The following GALNT13 variants were observed in gnomAD, a reference collection of about 807,000 sequenced individuals.
GALNT13 encodes the protein UDP-GalNAc:polypeptide N-acetylgalactosaminyltransferase 13.
A neutral mutation model predicts 64.2 loss-of-function variants in GALNT13; 28 were observed. The ratio of observed to expected loss-of-function variants is 0.44; its 90% confidence interval spans 0.32 to 0.60. The LOEUF (loss-of-function observed/expected upper bound fraction) is 0.60. GALNT13 is among the 20% of genes least tolerant of loss of function. The pLI is 0.05. For synonymous variants in GALNT13, 214 were observed against 224.6 expected (o/e 0.95, Z 0.42); for missense variants, 577 against 669.8 (o/e 0.86, Z 1.53).
the GALNT13 span, among the ~76,000 whole-genome samples, chr2:153,523,911 G>T: frequency 6.6e-6 from 1 of 152,114 alleles, no homozygotes; most frequent in Non-Finnish European, 1.5e-5. Flanking sequence ...TCACTATTAA[G>T]TATGATGTTA....
the GALNT13 span, among the ~76,000 whole-genome samples, chr2:153,128,762 A>G: frequency 1.3e-5 from 2 of 152,152 alleles, no homozygotes; most frequent in African/African-American, 4.8e-5. Context: ...TTGGACTTAC[A>G]GTGCCACGTG....
intron 9 of GALNT13, among the ~76,000 whole-genome samples, chr2:154,351,568 A>G (rs1464141739): frequency 2.0e-5 from 3 of 151,894 alleles, no homozygotes; most frequent in South Asian, 2.1e-4. Flanking sequence ...CTGTAGTCCC[A>G]GCTACTCTGG....
At chr2:153,171,534 T>C in the GALNT13 span, among the ~76,000 whole-genome samples, 3 of 152,198 alleles carry the variant, frequency 2.0e-5, no homozygotes, top group African/African-American at 7.2e-5. Context: ...TCTTATATGT[T>C]GGTGAATTTC....
At chr2:154,362,197 A>G (rs1697108134) in intron 9 of GALNT13, among the ~76,000 whole-genome samples, 1 of 152,206 alleles carries the variant, frequency 6.6e-6, no homozygotes, top group East Asian at 1.9e-4. Flanking sequence ...TTTCTATTCT[A>G]ACACATATTT....
chr2:154,340,686 G>C (rs1695712175), intron 9 of GALNT13, among the ~76,000 whole-genome samples: 1 of 151,982 alleles, frequency 6.6e-6, no homozygotes, highest in Admixed American at 6.6e-5. Context: ...ATATGACAAA[G>C]TCCATGGGAC....
At chr2:153,568,790 G>T in the GALNT13 span, among the ~76,000 whole-genome samples, 1 of 152,158 alleles carries the variant, frequency 6.6e-6, no homozygotes, top group Non-Finnish European at 1.5e-5. Flanking sequence ...CCTCCCGAAA[G>T]TTACCATACT....
chr2:153,268,841 C>T, the GALNT13 span, among the ~76,000 whole-genome samples: 4 of 152,234 alleles, frequency 2.6e-5, no homozygotes, highest in East Asian at 1.9e-4. Context: ...AGCAATGGCT[C>T]AACCTGTATC....
chr2:153,455,541 G>A, the GALNT13 span, among the ~76,000 whole-genome samples: 1 of 152,168 alleles, frequency 6.6e-6, no homozygotes, highest in African/African-American at 2.4e-5. Context: ...TCATGGGAGG[G>A]AGCACATAGG....
the GALNT13 span, among the ~76,000 whole-genome samples, chr2:153,673,407 C>T: frequency 0.011 from 1,718 of 152,204 alleles, 26 homozygotes; most frequent in African/African-American, 0.036. Flanking sequence ...GTTCAACATA[C>T]GCAAATCAAT....
the GALNT13 span, among the ~76,000 whole-genome samples, chr2:153,192,037 CTATT>C: frequency 6.6e-6 from 1 of 151,752 alleles, no homozygotes; most frequent in Non-Finnish European, 1.5e-5. Flanking sequence ...TTTTTTGTCT[CTATT>C]TAATTGAGTT....
the GALNT13 span, among the ~76,000 whole-genome samples, chr2:153,839,918 C>G: frequency 6.6e-6 from 1 of 151,910 alleles, no homozygotes; most frequent in African/African-American, 2.4e-5. Context: ...GAAAAACTGA[C>G]TGTTTATAGA....
chr2:153,401,558 T>C, the GALNT13 span, among the ~76,000 whole-genome samples: 3 of 150,090 alleles, frequency 2.0e-5, no homozygotes, highest in East Asian at 5.8e-4. Flanking sequence ...TGTGTGGGAG[T>C]CTAAGTCTCT....
the GALNT13 span, among the ~76,000 whole-genome samples, chr2:153,319,904 A>G: frequency 6.6e-6 from 1 of 152,172 alleles, no homozygotes. Flanking sequence ...CAATACTTGC[A>G]GAGAAAAATA....
At chr2:153,754,252 G>C in the GALNT13 span, among the ~76,000 whole-genome samples, 1 of 152,102 alleles carries the variant, frequency 6.6e-6, no homozygotes, top group Non-Finnish European at 1.5e-5. Flanking sequence ...TATTCCCTCT[G>C]CTTTTCTCAA....
At chr2:154,260,289 T>G (rs969126234) in intron 8 of GALNT13, among the ~76,000 whole-genome samples, 2 of 152,180 alleles carry the variant, frequency 1.3e-5, no homozygotes, top group Non-Finnish European at 2.9e-5. Context: ...AAATTATGCC[T>G]TTTAATTTCT....
At chr2:153,441,653 A>T in the GALNT13 span, among the ~76,000 whole-genome samples, 1 of 152,166 alleles carries the variant, frequency 6.6e-6, no homozygotes, top group Admixed American at 6.5e-5. Flanking sequence ...CTCCTTGAAG[A>T]GGTCCTTCAC....
the GALNT13 span, among the ~76,000 whole-genome samples, chr2:153,407,420 C>A: frequency 6.6e-6 from 1 of 152,154 alleles, no homozygotes; most frequent in African/African-American, 2.4e-5. Flanking sequence ...GCTGAAGTTG[C>A]ATATTAATGT....
the GALNT13 span, among the ~76,000 whole-genome samples, chr2:153,438,934 T>C: frequency 6.6e-6 from 1 of 152,170 alleles, no homozygotes; most frequent in African/African-American, 2.4e-5. Context: ...CTCTGTTTTT[T>C]CCCCATCTTT....
At chr2:153,239,963 A>G in the GALNT13 span, among the ~76,000 whole-genome samples, 2 of 152,138 alleles carry the variant, frequency 1.3e-5, no homozygotes, top group South Asian at 2.1e-4. Context: ...TTTTCTTTAC[A>G]GGGAGACTTT....
Sources: gnomAD v4.1 joint callset for allele counts (sites outside exome capture counted in the v4.1 genomes callset) on GRCh38, gnomAD v4.1.1 for gene constraint, MANE v1.5 for transcripts, NCBI Gene and HGNC (gene_info 2026-07-23, HGNC 2026-07-21) for gene names.